The following NBEA variants were observed in gnomAD, a reference collection of about 807,000 sequenced individuals.
NBEA encodes neurobeachin.
In NBEA, 44 loss-of-function variants were observed where a neutral mutation model predicts 343.4. The observed-to-expected ratio is 0.13, with a 90% CI of 0.10 to 0.16. The LOEUF (loss-of-function observed/expected upper bound fraction) is 0.16. NBEA is among the 10% of genes least tolerant of loss of function. NBEA has a pLI of 1.00. For synonymous variants in NBEA, 1,175 were observed against 1,238.7 expected, an observed-to-expected ratio of 0.95 and a Z score of 1.08; for missense variants, 2,555 against 3,631.3, an observed-to-expected ratio of 0.70 and a Z score of 7.62.
intron 41 of NBEA, among the ~76,000 whole-genome samples, chr13:35,494,514 T>G (rs1009402174): frequency 9.9e-5 from 15 of 151,952 alleles, no homozygotes; most frequent in African/African-American, 3.6e-4. Context: ...ATCAACCTAA[T>G]ATATTGTAAG....
Position 35,097,907 on chromosome 13 carries a change from C to T in NBEA, c.1572-390C>T, listed in dbSNP as rs547347601. Among the ~76,000 whole-genome samples, 4 of 151,906 alleles carry T rather than the reference C, an allele frequency of 2.6e-5. No homozygotes were observed. In the East Asian group the frequency reaches 7.7e-4, roughly 29 times the overall value. On this transcript the variant is annotated intron_variant, in intron 10 of 58. Transcript: ENST00000379939. ...CAATATTGCATCTATATTTAAAATT[C>T]TCTACAATAGCTTGTTATTCAAAAG...
intron 1 of NBEA, among the ~76,000 whole-genome samples, chr13:35,014,108 G>A (rs998096278): frequency 2.0e-5 from 3 of 151,784 alleles, no homozygotes; most frequent in Admixed American, 6.6e-5. Flanking sequence ...ACAGTTATTT[G>A]GGAAGTTACA....
chr13:35,280,924 G>A (rs1389049138), intron 34 of NBEA, among the ~76,000 whole-genome samples: 2 of 151,828 alleles, frequency 1.3e-5, no homozygotes, highest in Non-Finnish European at 2.9e-5. Flanking sequence ...TTTATAATAG[G>A]TCTAATATTT....
chr13:35,206,181 A>G (rs2073384137), intron 31 of NBEA, among the ~76,000 whole-genome samples: 1 of 152,088 alleles, frequency 6.6e-6, no homozygotes. Context: ...TCGGTCTCAT[A>G]ACTTATTTTT....
At chr13:35,513,119 T>C (rs1312428752) in intron 41 of NBEA, among the ~76,000 whole-genome samples, 1 of 151,670 alleles carries the variant, frequency 6.6e-6, no homozygotes, top group African/African-American at 2.4e-5. Flanking sequence ...ATTACCTTTG[T>C]GGTGAAATTA....
chr13:35,067,783 G>A (rs1593239662), intron 8 of NBEA, among the ~76,000 whole-genome samples: 1 of 151,950 alleles, frequency 6.6e-6, no homozygotes, highest in Admixed American at 6.6e-5. Context: ...GTCACCCAGG[G>A]TGGAGTGCAG....
At chr13:35,058,481 T>A (rs1338148326) in intron 7 of NBEA, among the ~76,000 whole-genome samples, 1 of 152,064 alleles carries the variant, frequency 6.6e-6, no homozygotes, top group Non-Finnish European at 1.5e-5. Context: ...AGTCTGAAGA[T>A]TAAGTAGGTG....
chr13:35,169,590 GAGAT>G (rs2070309639), intron 25 of NBEA, among the ~76,000 whole-genome samples: 1 of 151,570 alleles, frequency 6.6e-6, no homozygotes, highest in Non-Finnish European at 1.5e-5. Flanking sequence ...TGAATATAGA[GAGAT>G]AGCTATCTGC....
At chr13:35,105,819 A>G (rs928162053) in intron 11 of NBEA, among the ~76,000 whole-genome samples, 11 of 152,132 alleles carry the variant, frequency 7.2e-5, no homozygotes, top group African/African-American at 2.6e-4. Flanking sequence ...CTCTACAATT[A>G]CAATAGTTTT....
chr13:35,002,250 G>T (rs2152525355), intron 1 of NBEA, among the ~76,000 whole-genome samples: 1 of 152,260 alleles, frequency 6.6e-6, no homozygotes, highest in Non-Finnish European at 1.5e-5. Context: ...GAGAGAATAG[G>T]GGTTCCCTGG....
chr13:35,525,126 G>T (rs2077905511), intron 41 of NBEA, among the ~76,000 whole-genome samples: 1 of 152,092 alleles, frequency 6.6e-6, no homozygotes, highest in Admixed American at 6.5e-5. Flanking sequence ...TACTGTCAAA[G>T]GATATTAAAT....
chr13:35,338,239 A>G (rs2039380332), intron 36 of NBEA, among the ~76,000 whole-genome samples: 1 of 151,908 alleles, frequency 6.6e-6, no homozygotes, highest in South Asian at 2.1e-4. Context: ...AGAAGACTCA[A>G]ATCACTAAAA....
At chr13:35,506,836 G>T (rs923814190) in intron 41 of NBEA, among the ~76,000 whole-genome samples, 4 of 152,080 alleles carry the variant, frequency 2.6e-5, no homozygotes, top group African/African-American at 9.7e-5. Context: ...CATTGCCATA[G>T]AGTTTGAAGG....
At chr13:35,594,712 T>C (rs547813015) in intron 47 of NBEA, among the ~76,000 whole-genome samples, 1 of 152,082 alleles carries the variant, frequency 6.6e-6, no homozygotes, top group South Asian at 2.1e-4. Context: ...AATAACACTT[T>C]GAGAATTAAT....
chr13:35,417,266 T>G (rs1304680930), intron 38 of NBEA, among the ~76,000 whole-genome samples: 2 of 151,968 alleles, frequency 1.3e-5, no homozygotes, highest in Non-Finnish European at 2.9e-5. Flanking sequence ...AGTTATTTCT[T>G]CCTTCTGCTA....
intron 38 of NBEA, among the ~76,000 whole-genome samples, chr13:35,418,392 G>A (rs993636981): frequency 6.6e-6 from 1 of 152,010 alleles, no homozygotes; most frequent in Non-Finnish European, 1.5e-5. Context: ...GATGCAGGAG[G>A]AGTTTAGCTA....
chr13:35,338,284 T>C (rs958061956), intron 36 of NBEA, among the ~76,000 whole-genome samples: 1 of 151,888 alleles, frequency 6.6e-6, no homozygotes, highest in African/African-American at 2.4e-5. Context: ...TTAATGACCT[T>C]AATGAAAGAA....
At chr13:34,990,164 T>C (rs922560117) in intron 1 of NBEA, among the ~76,000 whole-genome samples, 6 of 150,998 alleles carry the variant, frequency 4.0e-5, no homozygotes, top group African/African-American at 1.2e-4. Flanking sequence ...TCAGTGGGTC[T>C]ACCATTCTGA....
At chr13:35,606,720 G>A in intron 48 of NBEA, 142 bp downstream of exon 48, 3 of 695,870 alleles carry the variant, frequency 4.3e-6, no homozygotes, top group Non-Finnish European at 6.2e-6. Flanking sequence ...AAATGAAAAA[G>A]AAAACATTTT....
Sources: gnomAD v4.1 joint callset for allele counts (sites outside exome capture counted in the v4.1 genomes callset) on GRCh38, gnomAD v4.1.1 for gene constraint, MANE v1.5 for transcripts, NCBI Gene and HGNC (gene_info 2026-07-23, HGNC 2026-07-21) for gene names.